OR3A3: variants seen among roughly 807,000 people sequenced by gnomAD.
OR3A3 encodes olfactory receptor 3A3.
For synonymous variants in OR3A3, 103 were observed against 163.9 expected (o/e 0.63, Z 2.84); for missense variants, 275 against 391.4 (o/e 0.70, Z 2.51).
chr17:3,422,893 T>A (rs186039963), exon 3 of OR3A3: 1 of 152,250 alleles, frequency 6.6e-6, no homozygotes, highest in African/African-American at 2.4e-5. Flanking sequence ...TCGAGAGGGA[T>A]GGGACAGGGT....
intron 2 of OR3A3, among the ~76,000 whole-genome samples, chr17:3,413,407 T>C (rs558321463): frequency 6.6e-6 from 1 of 152,344 alleles, no homozygotes; most frequent in Non-Finnish European, 1.5e-5. Context: ...TGTACAGAGC[T>C]GTTACCTACC....
At chr17:3,414,453 G>C (rs1037734052) in intron 2 of OR3A3, among the ~76,000 whole-genome samples, 6 of 152,152 alleles carry the variant, frequency 3.9e-5, no homozygotes, top group African/African-American at 1.4e-4. Context: ...GAGCATCAGC[G>C]AGGAATGAAT....
intron 2 of OR3A3, among the ~76,000 whole-genome samples, chr17:3,414,916 A>C (rs1382419583): frequency 2.6e-5 from 4 of 152,052 alleles, no homozygotes; most frequent in Non-Finnish European, 5.9e-5. Context: ...TAAAAAAATA[A>C]TATAGGTAAT....
intron 2 of OR3A3, among the ~76,000 whole-genome samples, chr17:3,414,043 G>T (rs992019290): frequency 1.3e-5 from 2 of 152,174 alleles, no homozygotes; most frequent in Non-Finnish European, 1.5e-5. Flanking sequence ...TTATCCACAT[G>T]AAACTGCGGG....
At chr17:3,419,357 C>T (rs2072411973) in intron 2 of OR3A3, among the ~76,000 whole-genome samples, 1 of 152,174 alleles carries the variant, frequency 6.6e-6, no homozygotes, top group African/African-American at 2.4e-5. Context: ...CTCTGAAACT[C>T]TCATGAATTT....
rs1309339611 is a variant in OR3A3, at chr17:3,419,794, C to T, written c.-6-786C>T. 4.4e-5 allele frequency among the ~76,000 whole-genome samples: 6 copies of T among 137,318 alleles called. No homozygotes were observed. In the East Asian group the frequency reaches 8.6e-4, roughly 20 times the overall value. The allele number at this position is 137,318 out of a possible 152,430, so 90.1% of individuals were successfully genotyped here. ...TGTCGCCCAGGCTGGAGTGCAGTGG[C>T]GCGATCTCGGCTCACTGCAAGCTCC... On this transcript the variant is annotated intron_variant, in intron 2 of 2. Transcript: ENST00000641141.
At chr17:3,420,460 G>C in intron 2 of OR3A3, 120 bp from the exon 3 acceptor site, 1 of 1,501,738 alleles carries the variant, frequency 6.7e-7, no homozygotes. Context: ...AGGCATTGAG[G>C]TGTTGGAGGA....
intron 2 of OR3A3, among the ~76,000 whole-genome samples, chr17:3,415,760 T>C (rs2150680588): frequency 6.8e-6 from 1 of 147,978 alleles, no homozygotes; most frequent in South Asian, 2.1e-4. Context: ...CTTTGGAGTT[T>C]AGTTCGTTTT....
chr17:3,418,925 T>G (rs189908893), intron 2 of OR3A3, among the ~76,000 whole-genome samples: 47 of 152,270 alleles, frequency 3.1e-4, no homozygotes, highest in African/African-American at 1.1e-3. Flanking sequence ...AGACATAGCC[T>G]TAGAGTCATT....
At position 3,419,974 on chromosome 17, in the gene OR3A3, A is replaced by C. The variant is rs553017860; in HGVS notation, c.-6-606A>C. On this transcript the variant is annotated intron_variant, in intron 2 of 2. Coordinates refer to ENST00000641141, the Ensembl canonical transcript of OR3A3. ...AGTAGAGACGGGGTTTCGCTGTGTT[A>C]GCCAGGATGGTCTCAATCTCCTGAC... Among the ~76,000 whole-genome samples the C allele has an allele frequency of 3.3e-5, 5 of 152,042 alleles. No homozygotes were observed. In the South Asian group the frequency reaches 1.0e-3, roughly 32 times the overall value.
intron 2 of OR3A3, 94 bp from the exon 3 acceptor site, chr17:3,420,486 G>C: frequency 6.5e-7 from 1 of 1,546,312 alleles, no homozygotes; most frequent in Non-Finnish European, 8.7e-7. Flanking sequence ...GGATGGCCTG[G>C]GGACTCGCCA....
intron 2 of OR3A3, among the ~76,000 whole-genome samples, chr17:3,419,932 A>AT (rs926272531): frequency 2.6e-4 from 40 of 151,422 alleles, no homozygotes; most frequent in African/African-American, 2.9e-4. Flanking sequence ...AGCCCGGCTG[A>AT]TTTTTTTTGT....
chr17:3,421,203 A>T, exon 3 of OR3A3: 3 of 1,614,208 alleles, frequency 1.9e-6, no homozygotes, highest in Non-Finnish European at 2.5e-6. Context: ...TTGTAGCAGC[A>T]GCCTTCATGG....
At chr17:3,411,703 C>T (rs2072363184) in intron 1 of OR3A3, among the ~76,000 whole-genome samples, 1 of 152,146 alleles carries the variant, frequency 6.6e-6, no homozygotes, top group East Asian at 1.9e-4. Flanking sequence ...AAGAAAATGT[C>T]TCCTTAGAAA....
At chr17:3,413,634 G>A (rs1172941875) in intron 2 of OR3A3, among the ~76,000 whole-genome samples, 2 of 151,992 alleles carry the variant, frequency 1.3e-5, no homozygotes, top group African/African-American at 4.8e-5. Context: ...TCAACATGGT[G>A]AAACCCTGTC....
intron 2 of OR3A3, among the ~76,000 whole-genome samples, chr17:3,414,323 G>A (rs551191159): frequency 3.3e-5 from 5 of 152,198 alleles, no homozygotes; most frequent in South Asian, 4.2e-4. Context: ...CGCCCACCTC[G>A]GCCTCCCACA....
chr17:3,414,136 A>G (rs1170712002), intron 2 of OR3A3, among the ~76,000 whole-genome samples: 1 of 152,022 alleles, frequency 6.6e-6, no homozygotes, highest in Non-Finnish European at 1.5e-5. Flanking sequence ...CAGTGGCGCA[A>G]TTTCAGCTCA....
chr17:3,421,410 G>A (rs886254005), exon 3 of OR3A3: 2 of 1,613,286 alleles, frequency 1.2e-6, no homozygotes, highest in Non-Finnish European at 1.7e-6. Flanking sequence ...ACAAGGATAA[G>A]GGGGTTGGGG....
chr17:3,413,642 G>A (rs2072373789), intron 2 of OR3A3, among the ~76,000 whole-genome samples: 3 of 152,010 alleles, frequency 2.0e-5, no homozygotes, highest in South Asian at 2.1e-4. Flanking sequence ...GTGAAACCCT[G>A]TCTCTACTAA....
Sources: gnomAD v4.1 joint callset for allele counts (sites outside exome capture counted in the v4.1 genomes callset) on GRCh38, gnomAD v4.1.1 for gene constraint, MANE v1.5 for transcripts, NCBI Gene and HGNC (gene_info 2026-07-23, HGNC 2026-07-21) for gene names.